Variants in ZGPAT observed in about 807,000 individuals in gnomAD.
The protein encoded by ZGPAT is zinc finger CCCH-type and G-patch domain containing.
Under a neutral mutation model 47.9 loss-of-function variants are expected in ZGPAT, and 39 were observed. The ratio of observed to expected loss-of-function variants is 0.81; its 90% CI spans 0.63 to 1.06. The LOEUF is 1.06. ZGPAT is among the 50% of genes least tolerant of loss of function. The pLI, the probability that ZGPAT is intolerant of heterozygous loss-of-function variation, is 0.00. For synonymous variants in ZGPAT, 348 were observed against 292.9 expected (o/e 1.19, Z -1.92); for missense variants, 717 against 681.4 (o/e 1.05, Z -0.58).
intron 2 of ZGPAT, among the ~76,000 whole-genome samples, chr20:63,732,114 AGT>A (rs1344174799): frequency 6.8e-6 from 1 of 146,390 alleles, no homozygotes; most frequent in Non-Finnish European, 1.5e-5. Flanking sequence ...TGCATATATG[AGT>A]GAGTGCACGT....
chr20:63,732,444 TAG>T (rs1325447882), intron 2 of ZGPAT, among the ~76,000 whole-genome samples: 1 of 53,474 alleles, frequency 1.9e-5, no homozygotes. Flanking sequence ...CGCATGTGTG[TAG>T]GTAAGGGTGC....
chr20:63,710,272 C>A (rs1187622280), intron 2 of ZGPAT, among the ~76,000 whole-genome samples: 1 of 151,910 alleles, frequency 6.6e-6, no homozygotes, highest in Non-Finnish European at 1.5e-5. Context: ...TCTACCTCAG[C>A]GTCCAGAGTA....
At chr20:63,719,797 A>G (rs565501033) in intron 2 of ZGPAT, among the ~76,000 whole-genome samples, 3 of 151,344 alleles carry the variant, frequency 2.0e-5, no homozygotes, top group African/African-American at 4.8e-5. Context: ...CTGGCAGGCA[A>G]TGTCACAATC....
intron 2 of ZGPAT, among the ~76,000 whole-genome samples, chr20:63,713,335 A>G (rs899197040): frequency 6.6e-6 from 1 of 151,688 alleles, no homozygotes; most frequent in African/African-American, 2.4e-5. Context: ...GGTTCACACC[A>G]TTCTTCTGCC....
Position 63,708,801 on chromosome 20 carries a change from A to G in ZGPAT, c.221A>G (p.Gln74Arg). 1.2e-6 allele frequency: 2 copies of G among 1,605,592 alleles called. No individual in the cohort carries two copies. Among genetic ancestry groups the G allele is most frequent in the Non-Finnish European group, 1.7e-6 (2 of 1,174,294 alleles). The change falls in exon 2 of 7, where the codon CAG becomes CGG. Residue 74 changes from glutamine to arginine, a missense_variant. Physicochemically the swap from Gln to Arg is conservative, Grantham distance 43. Coordinates refer to ENST00000355969, the MANE Select transcript of ZGPAT (RefSeq NM_181485.3). ...CTGGACGAAGAGCGCCCGGGCCGCC[A>G]GGAAGATGCTGAGTACCAGGCTTTC... is the stretch of plus-strand genomic sequence containing the variant. Reference protein sequence around the residue: ...AALDEERPGRQEDAEYQAFRE... With the variant: ...AALDEERPGRREDAEYQAFRE...
Position 63,709,083 on chromosome 20 carries a change from T to C in ZGPAT, c.503T>C (p.Leu168Pro). 6.2e-7 allele frequency: 1 copy of C among 1,613,288 alleles called. No individual in the cohort carries two copies. Among genetic ancestry groups the C allele is most frequent in the Non-Finnish European group, 8.5e-7 (1 of 1,180,026 alleles). ...GATGGCTCGGCGGGTGTCCGTGTGC[T>C]TTACCTGTACCCCACTCACAAGTCT... ...AEDGSAGVRV[L>P]YLYPTHKSLK... Residue 168 changes from leucine (L) to proline (P), a missense_variant, in exon 2 of 7, where the codon CTT becomes CCT. Transcript: ENST00000355969.
chr20:63,715,328 C>T (rs1254046399), intron 2 of ZGPAT, among the ~76,000 whole-genome samples: 1 of 150,350 alleles, frequency 6.7e-6, no homozygotes, highest in Non-Finnish European at 1.5e-5. Context: ...CAACCTCCAT[C>T]TCCCGGGTTC....
chr20:63,713,345 C>A (rs1045362619), intron 2 of ZGPAT, among the ~76,000 whole-genome samples: 1 of 151,778 alleles, frequency 6.6e-6, no homozygotes, highest in Admixed American at 6.6e-5. Context: ...ATTCTTCTGC[C>A]TCAGCCTCCT....
intron 2 of ZGPAT, among the ~76,000 whole-genome samples, chr20:63,724,195 G>A (rs746927139): frequency 3.9e-5 from 6 of 151,902 alleles, no homozygotes; most frequent in Admixed American, 6.6e-5. Flanking sequence ...GTGAAACCCC[G>A]TCTCTACTAA....
At chr20:63,725,854 C>T (rs1011149123) in intron 2 of ZGPAT, among the ~76,000 whole-genome samples, 6 of 148,310 alleles carry the variant, frequency 4.0e-5, no homozygotes, top group Non-Finnish European at 7.4e-5. Context: ...TTTTTTGAGA[C>T]GGAGTTTTGC....
chr20:63,718,758 C>T (rs1377807887), intron 2 of ZGPAT, among the ~76,000 whole-genome samples: 1 of 151,572 alleles, frequency 6.6e-6, no homozygotes, highest in Non-Finnish European at 1.5e-5. Flanking sequence ...ACCTGGCCTT[C>T]TTTCAAGACT....
chr20:63,735,931 G>A lies in ZGPAT; in HGVS notation c.*12G>A. ...TGACTGAGTTCTAGAGACCCCACAA[G>A]CACTATGGACGAAGCGTGGGACCCC... is the stretch of plus-strand genomic sequence containing the variant. On this transcript the variant is annotated 3_prime_UTR_variant, in exon 7 of 7. Transcript: ENST00000355969. The A allele has an allele frequency of 6.2e-7, 1 of 1,607,816 alleles. No individual in the cohort carries two copies. The highest frequency in any genetic ancestry group is 8.5e-7 in the Non-Finnish European group (1 of 1,176,536).
At chr20:63,727,653 G>A (rs1182327938) in intron 2 of ZGPAT, among the ~76,000 whole-genome samples, 3 of 143,098 alleles carry the variant, frequency 2.1e-5, no homozygotes, top group Non-Finnish European at 3.0e-5. Context: ...CTGGGTGAGA[G>A]AGTGGGACTC....
chr20:63,728,064 C>G (rs191388082), intron 2 of ZGPAT, among the ~76,000 whole-genome samples: 1 of 138,588 alleles, frequency 7.2e-6, no homozygotes, highest in East Asian at 2.2e-4. Context: ...GAGATGGAGT[C>G]TTGCTGTATT....
intron 2 of ZGPAT, among the ~76,000 whole-genome samples, chr20:63,732,188 T>G (rs887020099): frequency 6.6e-6 from 1 of 150,730 alleles, no homozygotes; most frequent in African/African-American, 2.5e-5. Context: ...TGTGTGTGCA[T>G]GTGTGGGTGC....
Position 63,734,736 on chromosome 20 carries a change from C to T in ZGPAT, c.903C>T (p.Thr301=), listed in dbSNP as rs753314964. ...GGTCAGATGCTGTGGACTCTGGGAC[C>T]TGCAGCTCTGCCTTTGCTGGCTGGG... The part of the protein sequence containing the change: ...VVGSDAVDSG[T]CSSAFAGWEV... The change falls in exon 5 of 7, where the codon ACC becomes ACT. Residue 301 remains threonine (T), a synonymous_variant. Transcript: ENST00000355969. The T allele has an allele frequency of 8.1e-6, 13 of 1,613,946 alleles. No individual in the cohort carries two copies. In the African/African-American group the frequency reaches 1.5e-4, roughly 18 times the overall value.
intron 2 of ZGPAT, among the ~76,000 whole-genome samples, chr20:63,732,382 ATGTG>A (rs1026728389): frequency 3.0e-5 from 4 of 132,972 alleles, no homozygotes; most frequent in African/African-American, 9.4e-5. Context: ...GTGTGCGCGC[ATGTG>A]TGTGGGTGAG....
rs200343535 is a variant in ZGPAT, at chr20:63,735,329, C to T, written c.1162C>T (p.Arg388Cys). The T allele has an allele frequency of 1.1e-5, 17 of 1,563,344 alleles. No homozygotes were observed. Among genetic ancestry groups the T allele is most frequent in the Middle Eastern group, 1.7e-4 (1 of 5,830 alleles). ...GGGAAGAGGGGCCAGGCCTGGGGGC[C>T]GCCCAGCTCCTCGGAATGTGTTTGA... ...CRGRGARPGG[R>C]PAPRNVFDFL... Residue 388 changes from arginine to cysteine, a missense_variant, in exon 6 of 7, where the codon CGC (arginine) becomes TGC (cysteine). Arg to Cys is a radical substitution (Grantham distance 180, BLOSUM62 -3). Coordinates refer to ENST00000355969, the MANE Select transcript of ZGPAT (RefSeq NM_181485.3).
At chr20:63,728,057 A>T in intron 2 of ZGPAT, among the ~76,000 whole-genome samples, 1 of 136,942 alleles carries the variant, frequency 7.3e-6, no homozygotes, top group Admixed American at 7.6e-5. Context: ...TTTTTTTGAG[A>T]TGGAGTCTTG....
Sources: gnomAD v4.1 joint callset for allele counts (sites outside exome capture counted in the v4.1 genomes callset) on GRCh38, gnomAD v4.1.1 for gene constraint, MANE v1.5 for transcripts, NCBI Gene and HGNC (gene_info 2026-07-23, HGNC 2026-07-21) for gene names.